TMEM132B: variants seen among roughly 807,000 people sequenced by gnomAD.
The protein encoded by TMEM132B is transmembrane protein 132B.
Under a neutral mutation model 90.8 loss-of-function variants are expected in TMEM132B, and 18 were observed. The observed-to-expected ratio is 0.20, with a 90% confidence interval of 0.14 to 0.29. The LOEUF (loss-of-function observed/expected upper bound fraction) is 0.29. Among genes scored for constraint, TMEM132B ranks in the 10% least tolerant of loss-of-function variants. TMEM132B has a pLI of 1.00. For synonymous variants in TMEM132B, 504 were observed against 523.3 expected (o/e 0.96, Z 0.50); for missense variants, 1,096 against 1,326.8 (o/e 0.83, Z 2.70).
intron 1 of TMEM132B, among the ~76,000 whole-genome samples, chr12:125,320,809 C>G (rs326388): frequency 0.25 from 37,803 of 152,114 alleles, 5,562 homozygotes; most frequent in African/African-American, 0.41. Flanking sequence ...TGGAAAGCAA[C>G]ACATCTTCCA....
chr12:125,586,539 A>G (rs1885182160), intron 5 of TMEM132B: 1 of 152,254 alleles, frequency 6.6e-6, no homozygotes, highest in African/African-American at 2.4e-5. Context: ...GAAGCAATTC[A>G]TGTTTTAAAT....
chr12:125,363,474 C>A (rs528117996), intron 2 of TMEM132B, among the ~76,000 whole-genome samples: 4 of 152,248 alleles, frequency 2.6e-5, no homozygotes, highest in African/African-American at 7.2e-5. Flanking sequence ...GGGTCTGCCT[C>A]CCCGTTGGAA....
chr12:125,612,712 G>A (rs949424716), intron 5 of TMEM132B, among the ~76,000 whole-genome samples: 1 of 141,990 alleles, frequency 7.0e-6, no homozygotes, highest in African/African-American at 2.6e-5. Context: ...AGCCACTCTG[G>A]CTTTCTTATG....
At chr12:125,558,042 T>C (rs923582243) in intron 4 of TMEM132B, among the ~76,000 whole-genome samples, 9 of 152,212 alleles carry the variant, frequency 5.9e-5, no homozygotes, top group African/African-American at 2.2e-4. Context: ...CAGGCTGGCT[T>C]TCAGACAATT....
intron 1 of TMEM132B, among the ~76,000 whole-genome samples, chr12:125,219,204 G>A (rs893973027): frequency 2.6e-5 from 4 of 152,116 alleles, no homozygotes; most frequent in African/African-American, 9.7e-5. Flanking sequence ...GCATCTCAGG[G>A]CCACGTGGCA....
Position 125,452,768 on chromosome 12 carries a change from A to T in TMEM132B, c.1106+37091A>T, listed in dbSNP as rs984381087. ...TTTCATATGTTTATTGGCCATTTGT[A>T]TTTCCTTTTCTGTGAAATCTCTTTT... On this transcript the variant is annotated intron_variant, in intron 3 of 8. Coordinates refer to ENST00000682704, the MANE Select transcript of TMEM132B (RefSeq NM_001366854.1). Among the ~76,000 whole-genome samples, 4 of 152,060 alleles carry T rather than the reference A, an allele frequency of 2.6e-5. No individual in the cohort carries two copies. The East Asian group carries it at 7.7e-4, about 29-fold the overall frequency.
intron 3 of TMEM132B, among the ~76,000 whole-genome samples, chr12:125,418,217 C>T (rs1055921819): frequency 1.3e-5 from 2 of 152,076 alleles, no homozygotes; most frequent in Non-Finnish European, 2.9e-5. Context: ...ACGGCTATCA[C>T]TTTTTGGTTC....
chr12:125,307,669 C>T (rs1314974114), intron 1 of TMEM132B, among the ~76,000 whole-genome samples: 1 of 101,772 alleles, frequency 9.8e-6, no homozygotes, highest in Non-Finnish European at 2.2e-5. Context: ...TCTACTTTCT[C>T]TCCAGAGGTA....
At chr12:125,381,011 T>G (rs1878664629) in intron 2 of TMEM132B, among the ~76,000 whole-genome samples, 1 of 152,180 alleles carries the variant, frequency 6.6e-6, no homozygotes, top group African/African-American at 2.4e-5. Context: ...CCTGGTCAGA[T>G]GCTTAATGGT....
intron 3 of TMEM132B, among the ~76,000 whole-genome samples, chr12:125,420,706 T>C (rs1043676919): frequency 1.3e-5 from 2 of 152,152 alleles, no homozygotes; most frequent in African/African-American, 4.8e-5. Context: ...CCTCAGAAAA[T>C]GGGTTTTTCT....
intron 5 of TMEM132B, among the ~76,000 whole-genome samples, chr12:125,619,390 A>T (rs1886067931): frequency 2.0e-5 from 3 of 149,934 alleles, no homozygotes; most frequent in Admixed American, 6.7e-5. Flanking sequence ...ATTGAGACAG[A>T]GTCTCACTCT....
At chr12:125,470,249 A>T (rs1593162188) in intron 3 of TMEM132B, among the ~76,000 whole-genome samples, 2 of 151,956 alleles carry the variant, frequency 1.3e-5, no homozygotes. Context: ...GCTAAGGCCC[A>T]CTCTTTCTCA....
chr12:125,375,724 G>A (rs1288337192), intron 2 of TMEM132B, among the ~76,000 whole-genome samples: 1 of 152,238 alleles, frequency 6.6e-6, no homozygotes, highest in Non-Finnish European at 1.5e-5. Context: ...GTAACATGAT[G>A]AGGGTTCAGA....
At position 125,320,302 on chromosome 12, in the gene TMEM132B, T is replaced by C. The variant is rs150546716; in HGVS notation, c.68-29150T>C. 2.6e-5 allele frequency among the ~76,000 whole-genome samples: 4 copies of C among 152,388 alleles called. No individual in the cohort carries two copies. The East Asian group carries it at 7.7e-4, about 29-fold the overall frequency. On this transcript the variant is annotated intron_variant, in intron 1 of 8. Transcript: ENST00000682704. ...TGGCCTACGTTAAATTTAGTCTTATTCTGTTGGAGCTAATTGTAATCTTTA... is the reference window on the plus strand; with the variant it reads ...TGGCCTACGTTAAATTTAGTCTTATCCTGTTGGAGCTAATTGTAATCTTTA...
intron 5 of TMEM132B, among the ~76,000 whole-genome samples, chr12:125,633,193 T>G (rs1191960623): frequency 6.6e-6 from 1 of 152,242 alleles, no homozygotes; most frequent in East Asian, 1.9e-4. Flanking sequence ...ATCTCCTTGT[T>G]CAATTCTGCT....
intron 1 of TMEM132B, among the ~76,000 whole-genome samples, chr12:125,206,021 G>A (rs1007613782): frequency 5.3e-5 from 8 of 152,186 alleles, no homozygotes; most frequent in Non-Finnish European, 1.2e-4. Flanking sequence ...GGAAGAAGGA[G>A]CTTCTTAGCT....
At chr12:125,253,689 CT>C in intron 1 of TMEM132B, among the ~76,000 whole-genome samples, 1 of 152,194 alleles carries the variant, frequency 6.6e-6, no homozygotes, top group Non-Finnish European at 1.5e-5. Flanking sequence ...CTGCCTCAGC[CT>C]TCCCAAATGC....
chr12:125,411,174 G>GTGGAC (rs2136349962), intron 2 of TMEM132B, among the ~76,000 whole-genome samples: 1 of 120,292 alleles, frequency 8.3e-6, no homozygotes, highest in Admixed American at 7.9e-5. Flanking sequence ...GTGGAGTGGA[G>GTGGAC]TGGAGTGAGT....
In TMEM132B at chr12:125,406,202, C is replaced by T. The variant is rs904922200; in HGVS notation, c.960-9329C>T. ...TCCAAACAGGAATCTTCTTTATCTC[C>T]TCTGGCTAAAGCAGAATGCAAAACT... On this transcript the variant is annotated intron_variant, in intron 2 of 8. Transcript: ENST00000682704. The surrounding 1 kb of genome is among the most constrained non-coding windows in gnomAD (Gnocchi z 8.3). 1.3e-5 allele frequency among the ~76,000 whole-genome samples: 2 copies of T among 152,312 alleles called. No homozygotes were observed. Among genetic ancestry groups the T allele is most frequent in the South Asian group, 2.1e-4 (1 of 4,824 alleles).
Sources: gnomAD v4.1 joint callset for allele counts (sites outside exome capture counted in the v4.1 genomes callset) on GRCh38, gnomAD v4.1.1 for gene constraint, Gnocchi (gnomAD v3.1) non-coding constraint, MANE v1.5 for transcripts, NCBI Gene and HGNC (gene_info 2026-07-23, HGNC 2026-07-21) for gene names.